Variants in TIGIT observed in about 807,000 individuals in gnomAD.
The protein encoded by TIGIT is T cell immunoreceptor with Ig and ITIM domains, also known as T-cell immunoreceptor with Ig and ITIM domains.
A neutral mutation model predicts 19.6 loss-of-function variants in TIGIT; 11 were observed. The observed-to-expected ratio is 0.56, with a 90% CI of 0.35 to 0.93. TIGIT has a LOEUF of 0.93. TIGIT is among the 40% of genes least tolerant of loss of function. The pLI is 0.01. For missense variants in TIGIT, 295 were observed against 303.9 expected (o/e 0.97, Z 0.22); for synonymous variants, 130 against 125.5 (o/e 1.04, Z -0.24).
intron 2 of TIGIT, 80 bp from the exon 3 acceptor site, chr3:114,299,517 C>A (rs1420662188): frequency 1.4e-5 from 15 of 1,087,782 alleles, no homozygotes; most frequent in Non-Finnish European, 4.2e-6. Context: ...CCCCTCTCTG[C>A]CGTGAAGCTC....
chr3:114,303,580 T>C (rs1381174292), intron 3 of TIGIT, among the ~76,000 whole-genome samples: 7,037 of 18,418 alleles, frequency 0.38, 607 homozygotes, highest in Middle Eastern at 0.53. Context: ...TATGTATATA[T>C]ATATATACAT....
chr3:114,301,741 T>G (rs2078493946), intron 3 of TIGIT, among the ~76,000 whole-genome samples: 1 of 152,228 alleles, frequency 6.6e-6, no homozygotes, highest in South Asian at 2.1e-4. Flanking sequence ...TTCTACAGTG[T>G]TTGATTCCCC....
rs2078560903 is a variant in TIGIT, at chr3:114,309,915, A to T, written c.*1784A>T. ...TAAACACTATTGGGATGGTGATAAA[A>T]TACAAAAGGGCCTATAGATGTTAGA... On this transcript the variant is annotated 3_prime_UTR_variant, in exon 4 of 4. Coordinates refer to ENST00000383671, the MANE Select transcript of TIGIT (RefSeq NM_173799.4). The T allele has an allele frequency of 6.6e-6, 1 of 152,216 alleles. No individual in the cohort carries two copies. 9.4% of individuals were successfully genotyped at this position (152,216 alleles called of 1,614,324 possible). A position where few individuals can be genotyped will look rare whatever the true frequency, so the allele number is the denominator to read the frequency against.
rs751792806 is a variant in TIGIT, at chr3:114,308,056, C to T, written c.660C>T (p.Ala220=). The T allele has an allele frequency of 1.2e-5, 19 of 1,614,040 alleles. No homozygotes were observed. The highest frequency in any genetic ancestry group is 6.7e-5 in the East Asian group (3 of 44,890). The change falls in exon 4 of 4, where the codon GCC becomes GCT. Residue 220 remains alanine (A), a synonymous_variant. Transcript: ENST00000383671. ...LCGEQRGEDC[A]ELHDYFNVLS... is the part of the protein sequence containing the mutation. ...GAGAGCAGCGGGGAGAGGACTGTGC[C>T]GAGCTGCATGACTACTTCAATGTCC...
intron 3 of TIGIT, among the ~76,000 whole-genome samples, chr3:114,301,224 A>G (rs2078490164): frequency 6.6e-6 from 1 of 152,110 alleles, no homozygotes; most frequent in Non-Finnish European, 1.5e-5. Context: ...TGTAATTTCT[A>G]CCTTTACCCC....
chr3:114,307,684 A>G (rs1254773396), intron 3 of TIGIT: 23 of 565,816 alleles, frequency 4.1e-5, no homozygotes, highest in Non-Finnish European at 7.0e-5. Flanking sequence ...GGCACGTGGT[A>G]TATGTAGTAA....
At position 114,308,300 on chromosome 3, in the gene TIGIT, C is replaced by T. The variant is rs1324156396; in HGVS notation, c.*169C>T. ...CTCTTCTCCATCTTCATTTCCTTGG[C>T]CTTTTCGTTCTATTCCATTTTGCAT... On this transcript the variant is annotated 3_prime_UTR_variant, in exon 4 of 4. Coordinates refer to ENST00000383671, the MANE Select transcript of TIGIT (RefSeq NM_173799.4). The T allele has an allele frequency of 3.2e-6, 2 of 629,864 alleles. No homozygotes were observed. The highest frequency in any genetic ancestry group is 5.4e-5 in the East Asian group (2 of 36,970). The allele number at this position is 629,864 out of a possible 1,614,324, so 39.0% of individuals were successfully genotyped here.
In TIGIT at chr3:114,308,017, T is replaced by A; in HGVS notation, c.621T>A (p.Pro207=). Residue 207 remains proline, a synonymous_variant, in exon 4 of 4, where the codon CCT becomes CCA. Transcript: ENST00000383671. ...GCTGTGTCCAGGCAGAAGCTGCACC[T>A]GCTGGGCTCTGTGGAGAGCAGCGGG... The part of the protein sequence containing the change: ...PGSCVQAEAA[P]AGLCGEQRGE... The A allele has an allele frequency of 6.2e-7, 1 of 1,614,186 alleles. No individual in the cohort carries two copies.
In TIGIT at chr3:114,309,819, G is replaced by T. The variant is rs1576146549; in HGVS notation, c.*1688G>T. 2 of 152,320 alleles carry T rather than the reference G, an allele frequency of 1.3e-5. No individual in the cohort carries two copies. Among genetic ancestry groups the T allele is most frequent in the South Asian group, 4.1e-4 (2 of 4,826 alleles). The allele number at this position is 152,320 out of a possible 1,614,324, so 9.4% of individuals were successfully genotyped here. ...AGTAGTGTTTTGATTTGGAGGAGGTGTATATTCGGCAGAGGTTGGACTGAG... is the reference window on the plus strand; with the variant it reads ...AGTAGTGTTTTGATTTGGAGGAGGTTTATATTCGGCAGAGGTTGGACTGAG... On this transcript the variant is annotated 3_prime_UTR_variant, in exon 4 of 4. Transcript: ENST00000383671.
At chr3:114,303,505 GTATATATATATACACATATA>G (rs2078505905) in intron 3 of TIGIT, among the ~76,000 whole-genome samples, 1 of 117,288 alleles carries the variant, frequency 8.5e-6, no homozygotes, top group East Asian at 2.1e-4. Context: ...ATATATATAT[GTATATATATATACACATATA>G]TATGTATATA....
At position 114,294,083 on chromosome 3, in the gene TIGIT, A is replaced by G. The variant is rs149574739; in HGVS notation, c.22A>G (p.Ile8Val). The G allele has an allele frequency of 5.1e-6, 8 of 1,554,454 alleles. No homozygotes were observed. The highest frequency in any genetic ancestry group is 7.0e-6 in the Non-Finnish European group (8 of 1,148,154). The change falls in exon 1 of 4, where the codon ATC becomes GTC. Residue 8 changes from isoleucine (I) to valine (V), a missense_variant. By Grantham distance (29) the Ile-to-Val change is conservative (BLOSUM62 3). Coordinates refer to ENST00000383671, the MANE Select transcript of TIGIT (RefSeq NM_173799.4). Reference sequence around the variant, plus strand: ...AAGCATGCGCTGGTGTCTCCTCCTGATCTGGGCCCAGGGGCTGAGGCAGGC... The same window carrying G: ...AAGCATGCGCTGGTGTCTCCTCCTGGTCTGGGCCCAGGGGCTGAGGCAGGC... The part of the protein sequence containing the change: MRWCLLL[I>V]WAQGLRQAPL...
chr3:114,294,445 C>T lies in TIGIT; in HGVS notation c.61+323C>T, dbSNP rs573550845. Among the ~76,000 whole-genome samples the T allele has an allele frequency of 5.9e-5, 9 of 152,272 alleles. No individual in the cohort carries two copies. The South Asian group carries it at 1.9e-3, about 32-fold the overall frequency. ...GCCAGTTTGCTTTTAGAAGCTCATTCCTGCTCCAGCTTCTTTTCTGTTGCC... is the reference window on the plus strand; with the variant it reads ...GCCAGTTTGCTTTTAGAAGCTCATTTCTGCTCCAGCTTCTTTTCTGTTGCC... On this transcript the variant is annotated intron_variant, in intron 1 of 3. Transcript: ENST00000383671.
chr3:114,299,689 G>T lies in TIGIT; in HGVS notation c.484G>T (p.Ala162Ser). 1 of 1,610,672 alleles carries T rather than the reference G, an allele frequency of 6.2e-7. No homozygotes were observed. The change falls in exon 3 of 4, where the codon GCG becomes TCG. Residue 162 changes from alanine to serine, a missense_variant. Ala to Ser is a moderately conservative substitution (Grantham distance 99). Transcript: ENST00000383671. Reference sequence around the variant, plus strand: ...CTGCACAGCAGTCATCGTGGTGGTCGCGTTGACTAGAAAGGTAATGGCTCC... The same window carrying T: ...CTGCACAGCAGTCATCGTGGTGGTCTCGTTGACTAGAAAGGTAATGGCTCC... ...VICTAVIVVV[A>S]LTRKKKALRI...
At chr3:114,303,597 GTA>G (rs368266926) in intron 3 of TIGIT, among the ~76,000 whole-genome samples, 519 of 7,688 alleles carry the variant, frequency 0.068, 14 homozygotes, top group Admixed American at 0.1. Context: ...ACATATATAT[GTA>G]TATATATATA....
chr3:114,305,867 T>TGG (rs2078531218), intron 3 of TIGIT, among the ~76,000 whole-genome samples: 5 of 115,388 alleles, frequency 4.3e-5, no homozygotes, highest in Middle Eastern at 4.7e-3. Flanking sequence ...GATGGATGGA[T>TGG]AGATAGATAG....
At chr3:114,295,936 T>C in intron 2 of TIGIT, 62 bp downstream of exon 2, 11 of 1,330,572 alleles carry the variant, frequency 8.3e-6, no homozygotes, top group Non-Finnish European at 1.1e-5. Flanking sequence ...AATGCAATCC[T>C]GAAACACTGC....
At chr3:114,294,263 G>C in intron 1 of TIGIT, 141 bp downstream of exon 1, 2 of 637,086 alleles carry the variant, frequency 3.1e-6, no homozygotes, top group Non-Finnish European at 5.5e-6. Flanking sequence ...TTAGAGTCCT[G>C]TGTACTCTTA....
Position 114,300,601 on chromosome 3 carries a change from C to T in TIGIT, c.498+898C>T, listed in dbSNP as rs114833610. Among the ~76,000 whole-genome samples the T allele has an allele frequency of 7.6e-3, 1,153 of 152,078 alleles. 13 individuals are homozygous for T. Among genetic ancestry groups the T allele is most frequent in the African/African-American group, 0.026 (1,062 of 41,446 alleles). Reference sequence around the variant, plus strand: ...GGATTTGTCTTAGTCTATTTTCTGCCGCTGTAACAGAATACAATTATTGGG... The same window carrying T: ...GGATTTGTCTTAGTCTATTTTCTGCTGCTGTAACAGAATACAATTATTGGG... On this transcript the variant is annotated intron_variant, in intron 3 of 3. Transcript: ENST00000383671.
chr3:114,304,751 G>T (rs972218396), intron 3 of TIGIT, among the ~76,000 whole-genome samples: 1 of 152,174 alleles, frequency 6.6e-6, no homozygotes, highest in African/African-American at 2.4e-5. Context: ...GCCCAGCAGG[G>T]ATTCTTTTCC....
Sources: gnomAD v4.1 joint callset for allele counts (sites outside exome capture counted in the v4.1 genomes callset) on GRCh38, gnomAD v4.1.1 for gene constraint, MANE v1.5 for transcripts, NCBI Gene and HGNC (gene_info 2026-07-23, HGNC 2026-07-21) for gene names.